NKAP: variants seen among roughly 807,000 people sequenced by gnomAD.
NKAP encodes NF-kappa-B-activating protein.
Under a neutral mutation model 35.6 loss-of-function variants are expected in NKAP, and 4 were observed. The ratio of observed to expected loss-of-function variants is 0.11; its 90% CI spans 0.06 to 0.26. The LOEUF is 0.26. NKAP is among the 10% of genes least tolerant of loss of function. The pLI is 1.00. For synonymous variants in NKAP, 106 were observed against 119.2 expected, an observed-to-expected ratio of 0.89 and a Z score of 0.72; for missense variants, 238 against 321.9, an observed-to-expected ratio of 0.74 and a Z score of 1.99.
intron 5 of NKAP, among the ~76,000 whole-genome samples, chrX:119,933,559 G>A (rs749712571): frequency 5.4e-5 from 6 of 111,998 alleles, no homozygotes; most frequent in Admixed American, 9.5e-5. Context: ...TAAGAATACG[G>A]TCACTGCAAT....
At chrX:119,940,098 G>A (rs1275399932) in intron 1 of NKAP, among the ~76,000 whole-genome samples, 12 of 110,381 alleles carry the variant, frequency 1.1e-4, no homozygotes, top group South Asian at 3.8e-4. Flanking sequence ...CACTTTGGGA[G>A]GCCGAGGCAG....
chrX:119,934,195 G>A (rs1159875429), intron 5 of NKAP, among the ~76,000 whole-genome samples: 1 of 109,206 alleles, frequency 9.2e-6, no homozygotes, highest in African/African-American at 3.3e-5. Context: ...CACTTTGGGA[G>A]GCCAAGGTGG....
At position 119,925,120 on chromosome X, in the gene NKAP, TA is replaced by T; in HGVS notation, c.*99del. The T allele has an allele frequency of 2.2e-6, 2 of 910,421 alleles. No individual in the cohort carries two copies. The highest frequency in any genetic ancestry group is 1.5e-6 in the Non-Finnish European group (1 of 648,988). 75.0% of individuals were successfully genotyped at this position (910,421 alleles called of 1,213,427 possible). A position where few individuals can be genotyped will look rare whatever the true frequency, so the allele number is the denominator to read the frequency against. On this transcript the variant is annotated 3_prime_UTR_variant, in exon 9 of 9. Transcript: ENST00000371410. ...TTAAATAGAAGGCACAGTAGCACTG[TA>T]AAGCTTTCTCAGAACATAATAATCT... is the stretch of plus-strand genomic sequence containing the variant.
Position 119,934,610 on chromosome X carries a change from C to T in NKAP, c.674-53G>A, listed in dbSNP as rs768246821. 25 of 884,562 alleles carry T rather than the reference C, an allele frequency of 2.8e-5. No homozygotes were observed. In the Admixed American group the frequency reaches 4.1e-4, roughly 14 times the overall value. 72.9% of individuals were successfully genotyped at this position (884,562 alleles called of 1,213,427 possible). On this transcript the variant is annotated intron_variant, in intron 4 of 8. Transcript: ENST00000371410. Reference sequence around the variant, plus strand: ...GAAAAAAATTTTTTAACTCTAAAACCGTAGTACTTTTGAGTAGGTAACTAT... The same window carrying T: ...GAAAAAAATTTTTTAACTCTAAAACTGTAGTACTTTTGAGTAGGTAACTAT...
intron 8 of NKAP, among the ~76,000 whole-genome samples, chrX:119,925,928 T>A (rs1347427977): frequency 3.8e-5 from 2 of 52,831 alleles, no homozygotes; most frequent in Admixed American, 2.0e-4. Flanking sequence ...TATCCTTTTT[T>A]CTTTTTTTTT....
rs2056705530 is a variant in NKAP at position 119,925,277 on chromosome X, A to G, written c.1191T>C (p.Ile397=). ...AAACCATTTCTCGAAAACTGGCCAG[A>G]ATCTTGTTCTCTCTCTTTCGTCTCT... is the stretch of plus-strand genomic sequence containing the variant. The part of the protein sequence containing the change: ...QEERRKRENK[I]LASFREMVYR... Residue 397 remains isoleucine, a synonymous_variant, in exon 9 of 9, where the codon ATT becomes ATC. Coordinates refer to ENST00000371410, the MANE Select transcript of NKAP (RefSeq NM_024528.4). 8.3e-6 allele frequency: 10 copies of G among 1,211,023 alleles called. No homozygotes were observed. Among genetic ancestry groups the G allele is most frequent in the Non-Finnish European group, 1.1e-5 (10 of 895,348 alleles).
intron 4 of NKAP, among the ~76,000 whole-genome samples, chrX:119,935,638 G>C (rs2147848035): frequency 9.0e-6 from 1 of 111,689 alleles, no homozygotes; most frequent in African/African-American, 3.2e-5. Context: ...CACTGAGGAA[G>C]AGAAGTGACA....
chrX:119,927,061 C>CAAAAA (rs757523569), intron 8 of NKAP, among the ~76,000 whole-genome samples: 540 of 33,219 alleles, frequency 0.016, 21 homozygotes, highest in Non-Finnish European at 0.022. Flanking sequence ...AACTAGGTCT[C>CAAAAA]AAAAAAAAAA....
intron 2 of NKAP, chrX:119,938,001 A>G (rs1008207602): frequency 8.9e-6 from 1 of 112,838 alleles, no homozygotes; most frequent in Non-Finnish European, 1.9e-5. Context: ...GAGAAAAGAA[A>G]TAAGCAAAAA....
chrX:119,934,663 A>C (rs1383872023), intron 4 of NKAP, 106 bp from the exon 5 acceptor site: 1 of 493,862 alleles, frequency 2.0e-6, no homozygotes, highest in Admixed American at 4.3e-5. Flanking sequence ...TATTGTTACA[A>C]AGAAATTACC....
rs1471543454 is a variant in NKAP, at chrX:119,943,294, G to A, written c.312C>T (p.Tyr104=). The A allele has an allele frequency of 1.7e-6, 2 of 1,210,863 alleles. No homozygotes were observed. The highest frequency in any genetic ancestry group is 2.4e-4 in the Middle Eastern group (1 of 4,254). Residue 104 remains tyrosine, a synonymous_variant, in exon 1 of 9, where the codon TAC becomes TAT. Transcript: ENST00000371410. ...GCTTGTCGCTCCCGTAGGGGCGCGA[G>A]TAGCTGCCGTAATAGACTGACGAGG... ...SASSSVYYGS[Y]SRPYGSDKPW...
chrX:119,932,311 C>A, intron 5 of NKAP, 95 bp from the exon 6 acceptor site: 1 of 527,974 alleles, frequency 1.9e-6, no homozygotes, highest in Non-Finnish European at 3.0e-6. Flanking sequence ...GAACTGGTGA[C>A]TATACATCTT....
intron 7 of NKAP, among the ~76,000 whole-genome samples, chrX:119,931,493 G>A (rs189424568): frequency 1.3e-3 from 146 of 110,858 alleles, no homozygotes; most frequent in African/African-American, 4.5e-3. Flanking sequence ...GCAACAGAGC[G>A]AGACTCCGTC....
In NKAP at chrX:119,922,295, A is replaced by G. The variant is rs1003047423; in HGVS notation, c.*2925T>C. Reference sequence around the variant, plus strand: ...AGGCAGCAACTACAATTAGGTATAAATAAACAGAAATCATTTCAAATTCAG... The same window carrying G: ...AGGCAGCAACTACAATTAGGTATAAGTAAACAGAAATCATTTCAAATTCAG... On this transcript the variant is annotated 3_prime_UTR_variant, in exon 9 of 9. Coordinates refer to ENST00000371410, the MANE Select transcript of NKAP (RefSeq NM_024528.4). The G allele has an allele frequency of 1.2e-4, 14 of 112,434 alleles. No homozygotes were observed. Among genetic ancestry groups the G allele is most frequent in the Non-Finnish European group, 2.2e-4 (12 of 53,366 alleles). 9.3% of individuals were successfully genotyped at this position (112,434 alleles called of 1,213,427 possible).
chrX:119,927,223 C>A (rs2056719567), intron 8 of NKAP, among the ~76,000 whole-genome samples: 1 of 108,533 alleles, frequency 9.2e-6, no homozygotes. Context: ...TCAACCGATT[C>A]TCCTGCCTCA....
Position 119,925,301 on chromosome X carries a change from C to T in NKAP, c.1167G>A (p.Glu389=). The T allele has an allele frequency of 2.5e-6, 3 of 1,211,403 alleles. No homozygotes were observed. Among genetic ancestry groups the T allele is most frequent in the Non-Finnish European group, 3.4e-6 (3 of 895,436 alleles). ...KRALASFNQE[E]RRKRENKILA... is the part of the protein sequence containing the mutation. ...GAATCTTGTTCTCTCTCTTTCGTCTCTCTTCTTGGTTAAAGGATGCAAGGG... is the reference window on the plus strand; with the variant it reads ...GAATCTTGTTCTCTCTCTTTCGTCTTTCTTCTTGGTTAAAGGATGCAAGGG... The change falls in exon 9 of 9, where the codon GAG becomes GAA. Residue 389 remains glutamate (E), a synonymous_variant. Transcript: ENST00000371410.
intron 8 of NKAP, among the ~76,000 whole-genome samples, chrX:119,927,258 G>A (rs988531016): frequency 1.8e-4 from 19 of 107,793 alleles, no homozygotes; most frequent in Middle Eastern, 4.8e-3. Flanking sequence ...GTACTGAATA[G>A]TTCTTTCTTT....
intron 5 of NKAP, among the ~76,000 whole-genome samples, chrX:119,933,737 T>C (rs1459495809): frequency 9.0e-6 from 1 of 110,869 alleles, no homozygotes; most frequent in Non-Finnish European, 1.9e-5. Flanking sequence ...CAGGCTGGTA[T>C]TGAACTCCTG....
rs937231367 is a variant in NKAP at position 119,924,650 on chromosome X, CAA to C, written c.*568_*569del. ...AGGTGATCCACCCGCCTTGGCCTCC[CAA>C]AGTGCTGGGATTACAGGCGTGAGCC... On this transcript the variant is annotated 3_prime_UTR_variant, in exon 9 of 9. Coordinates refer to ENST00000371410, the MANE Select transcript of NKAP (RefSeq NM_024528.4). The C allele has an allele frequency of 1.8e-5, 2 of 109,665 alleles. No homozygotes were observed. Among genetic ancestry groups the C allele is most frequent in the Non-Finnish European group, 3.8e-5 (2 of 52,898 alleles). The allele number at this position is 109,665 out of a possible 1,213,427, so 9.0% of individuals were successfully genotyped here.
Sources: gnomAD v4.1 joint callset for allele counts (sites outside exome capture counted in the v4.1 genomes callset) on GRCh38, gnomAD v4.1.1 for gene constraint, MANE v1.5 for transcripts, NCBI Gene and HGNC (gene_info 2026-07-23, HGNC 2026-07-21) for gene names.